Variants in LDLRAD4 observed in about 807,000 individuals in gnomAD.
The protein encoded by LDLRAD4 is low-density lipoprotein receptor class A domain-containing protein 4.
Under a neutral mutation model 17.0 loss-of-function variants are expected in LDLRAD4, and 5 were observed. That is an observed-to-expected ratio of 0.29 (90% CI 0.15 to 0.62). LDLRAD4 has a LOEUF of 0.62. LDLRAD4 is among the 20% of genes least tolerant of loss of function. The pLI, the probability that LDLRAD4 is intolerant of heterozygous loss-of-function variation, is 0.84. For missense variants in LDLRAD4, 340 were observed against 424.7 expected (o/e 0.80, Z 1.75); for synonymous variants, 168 against 171.8 (o/e 0.98, Z 0.17).
At chr18:13,566,901 A>T (rs766771524) in intron 3 of LDLRAD4, among the ~76,000 whole-genome samples, 3 of 152,206 alleles carry the variant, frequency 2.0e-5, no homozygotes, top group Non-Finnish European at 4.4e-5. Flanking sequence ...TTTGTGCTGA[A>T]TACTGTGCTA....
intron 1 of LDLRAD4, among the ~76,000 whole-genome samples, chr18:13,319,131 A>G (rs1044649368): frequency 2.0e-5 from 3 of 152,192 alleles, no homozygotes; most frequent in Non-Finnish European, 2.9e-5. Flanking sequence ...CTTTATACCT[A>G]TTAAATACTT....
At chr18:13,647,449 T>G (rs933397677) in exon 6 of LDLRAD4, 3 of 152,102 alleles carry the variant, frequency 2.0e-5, no homozygotes, top group Admixed American at 2.0e-4. Flanking sequence ...ATTCCATGAC[T>G]CCCACCTATG....
At chr18:13,387,814 TAAACTCCC>T (rs2085943260) in intron 2 of LDLRAD4, 52 bp downstream of exon 3, 3 of 1,516,656 alleles carry the variant, frequency 2.0e-6, no homozygotes, top group Non-Finnish European at 2.7e-6. Context: ...TGGGAGGCAA[TAAACTCCC>T]AAACCACTGC....
At chr18:13,305,713 TA>T (rs1205532069) in intron 1 of LDLRAD4, among the ~76,000 whole-genome samples, 2 of 152,176 alleles carry the variant, frequency 1.3e-5, no homozygotes, top group African/African-American at 4.8e-5. Context: ...CATTTCAAGA[TA>T]AATGAAACCA....
chr18:13,638,115 A>C (rs975510221), intron 4 of LDLRAD4, among the ~76,000 whole-genome samples: 2 of 152,100 alleles, frequency 1.3e-5, no homozygotes, highest in Non-Finnish European at 2.9e-5. Flanking sequence ...CAGTTTGGAA[A>C]GTGGCAGAAG....
intron 3 of LDLRAD4, among the ~76,000 whole-genome samples, chr18:13,586,485 C>T (rs1420017209): frequency 1.3e-5 from 2 of 150,856 alleles, no homozygotes; most frequent in Non-Finnish European, 3.0e-5. Flanking sequence ...CTTTCCCCTG[C>T]CAACCAAGTG....
chr18:13,222,983 C>T (rs981557910), intron 1 of LDLRAD4, among the ~76,000 whole-genome samples: 1 of 152,220 alleles, frequency 6.6e-6, no homozygotes, highest in Non-Finnish European at 1.5e-5. Context: ...CTGTACTGGC[C>T]TGGGAGGGCC....
intron 2 of LDLRAD4, among the ~76,000 whole-genome samples, chr18:13,399,858 TTG>T (rs1379095261): frequency 2.6e-5 from 4 of 152,370 alleles, no homozygotes; most frequent in African/African-American, 9.6e-5. Context: ...GCATGATGAA[TTG>T]TTCTGAATGT....
At chr18:13,258,375 T>C (rs1298975079) in intron 1 of LDLRAD4, among the ~76,000 whole-genome samples, 1 of 152,058 alleles carries the variant, frequency 6.6e-6, no homozygotes, top group African/African-American at 2.4e-5. Context: ...TTTTTTTTTT[T>C]CTTTTGTTAG....
intron 2 of LDLRAD4, among the ~76,000 whole-genome samples, chr18:13,429,592 T>A (rs1488588844): frequency 6.6e-6 from 1 of 152,264 alleles, no homozygotes; most frequent in African/African-American, 2.4e-5. Context: ...TTTTTCAAAA[T>A]CCCTGTCTTA....
At chr18:13,329,224 T>C (rs114883507) in intron 1 of LDLRAD4, among the ~76,000 whole-genome samples, 1 of 152,336 alleles carries the variant, frequency 6.6e-6, no homozygotes, top group Non-Finnish European at 1.5e-5. Flanking sequence ...TTTTGAGTGA[T>C]TATTACTGAG....
intron 1 of LDLRAD4, among the ~76,000 whole-genome samples, chr18:13,337,666 T>C (rs2082167460): frequency 6.7e-6 from 1 of 149,294 alleles, no homozygotes; most frequent in Non-Finnish European, 1.5e-5. Context: ...GAGGCCAAGG[T>C]GGTACGGTCG....
intron 1 of LDLRAD4, among the ~76,000 whole-genome samples, chr18:13,332,460 C>A (rs552917756): frequency 3.9e-5 from 6 of 152,302 alleles, no homozygotes; most frequent in African/African-American, 1.4e-4. Context: ...TGGTGTTGTA[C>A]ATTCTGTGAG....
At chr18:13,420,908 A>G (rs147167008) in intron 2 of LDLRAD4, 193 of 152,380 alleles carry the variant, frequency 1.3e-3, no homozygotes, top group African/African-American at 4.5e-3. Context: ...CAGGGAGCCT[A>G]GGGTAGCTTG....
intron 1 of LDLRAD4, among the ~76,000 whole-genome samples, chr18:13,271,200 A>G (rs2044516087): frequency 6.6e-6 from 1 of 152,236 alleles, no homozygotes; most frequent in Non-Finnish European, 1.5e-5. Flanking sequence ...TTAATATAGA[A>G]CTGTCCTATT....
chr18:13,340,805 T>C (rs2082334130), intron 1 of LDLRAD4, among the ~76,000 whole-genome samples: 1 of 152,182 alleles, frequency 6.6e-6, no homozygotes, highest in South Asian at 2.1e-4. Context: ...ATTGTTGCCA[T>C]ATCCAATGTC....
chr18:13,645,710 C>A lies in LDLRAD4; in HGVS notation c.*53C>A. 1 of 1,395,178 alleles carries A rather than the reference C, an allele frequency of 7.2e-7. No individual in the cohort carries two copies. Among genetic ancestry groups the A allele is most frequent in the Non-Finnish European group, 9.7e-7 (1 of 1,033,326 alleles). The allele number at this position is 1,395,178 out of a possible 1,614,324, so 86.4% of individuals were successfully genotyped here. On this transcript the variant is annotated 3_prime_UTR_variant, in exon 6 of 6. Coordinates refer to ENST00000359446, the Ensembl canonical transcript of LDLRAD4. The surrounding 1 kb of genome is among the most constrained non-coding windows in gnomAD (Gnocchi z 5.7). ...GAAAGAAACCAAGAAGGGAAGCGGCCGCTGGGCCCCTCCTGCGCACAGTGT... is the reference window on the plus strand; with the variant it reads ...GAAAGAAACCAAGAAGGGAAGCGGCAGCTGGGCCCCTCCTGCGCACAGTGT...
chr18:13,555,174 G>A (rs1051273751), intron 3 of LDLRAD4, among the ~76,000 whole-genome samples: 1 of 152,238 alleles, frequency 6.6e-6, no homozygotes, highest in Non-Finnish European at 1.5e-5. Context: ...GACTAAAGGT[G>A]ATGAGACATC....
intron 1 of LDLRAD4, among the ~76,000 whole-genome samples, chr18:13,379,856 C>T (rs889758699): frequency 7.9e-5 from 12 of 152,236 alleles, no homozygotes; most frequent in Non-Finnish European, 1.6e-4. Flanking sequence ...ACTTGTTAGC[C>T]TATGGTCTGA....
Sources: gnomAD v4.1 joint callset for allele counts (sites outside exome capture counted in the v4.1 genomes callset) on GRCh38, gnomAD v4.1.1 for gene constraint, Gnocchi (gnomAD v3.1) non-coding constraint, MANE v1.5 for transcripts, NCBI Gene and HGNC (gene_info 2026-07-23, HGNC 2026-07-21) for gene names.